TRAPPC9: variants seen among roughly 807,000 people sequenced by gnomAD.
TRAPPC9 encodes IKK2 binding protein.
TRAPPC9 carries 83 observed loss-of-function variants against 124.0 expected under a neutral mutation model. The observed-to-expected ratio is 0.67, with a 90% CI of 0.56 to 0.80. The LOEUF is 0.80. TRAPPC9 is among the 30% of genes least tolerant of loss of function. TRAPPC9 has a pLI of 0.00. For missense variants in TRAPPC9, 1,302 were observed against 1,508.3 expected (o/e 0.86, Z 2.27); for synonymous variants, 638 against 617.5 (o/e 1.03, Z -0.49).
Position 139,926,889 on chromosome 8 carries a change from G to GA in TRAPPC9, c.2811-16590dup, listed in dbSNP as rs201185614. Among the ~76,000 whole-genome samples, 432 of 150,154 alleles carry GA rather than the reference G, an allele frequency of 2.9e-3. 3 individuals carry two copies. Among genetic ancestry groups the GA allele is most frequent in the African/African-American group, 9.0e-3 (367 of 40,886 alleles). On this transcript the variant is annotated intron_variant, in intron 19 of 22. Transcript: ENST00000438773. ...ATATTCAAAAGCAAATCAAGACTGG[G>GA]AAAAAAAAATCACAACACATTGATT... is the stretch of plus-strand genomic sequence containing the variant.
intron 17 of TRAPPC9, chr8:140,096,487 G>T (rs1844956950): frequency 6.6e-6 from 1 of 152,226 alleles, no homozygotes; most frequent in South Asian, 2.1e-4. Context: ...TGTGAATGGT[G>T]ACCTGAATCC....
intron 20 of TRAPPC9, among the ~76,000 whole-genome samples, chr8:139,897,836 G>A (rs1830759932): frequency 6.6e-6 from 1 of 152,348 alleles, no homozygotes; most frequent in East Asian, 1.9e-4. Flanking sequence ...CAGAGTGACG[G>A]GGTCAGGAGC....
chr8:139,971,547 C>A (rs1356001520), intron 19 of TRAPPC9, among the ~76,000 whole-genome samples: 1 of 152,120 alleles, frequency 6.6e-6, no homozygotes, highest in Non-Finnish European at 1.5e-5. Flanking sequence ...CCTGCCCCTG[C>A]CTTCATACCT....
rs565126296 is a variant in TRAPPC9 at position 140,241,857 on chromosome 8, C to T, written c.2431+10920G>A. Among the ~76,000 whole-genome samples the T allele has an allele frequency of 3.4e-4, 52 of 152,274 alleles. No homozygotes were observed. Among genetic ancestry groups the T allele is most frequent in the African/African-American group, 6.3e-4 (26 of 41,550 alleles). On this transcript the variant is annotated intron_variant, in intron 16 of 22. Coordinates refer to ENST00000438773, the MANE Select transcript of TRAPPC9 (RefSeq NM_001160372.4). The surrounding 1 kb of genome is among the most constrained non-coding windows in gnomAD (Gnocchi z 5.0). ...TGCCTTCCGTCCCTCACTTGCTTAA[C>T]GTATGCCAAGAAGCTGCTCTGACCA...
At chr8:140,297,344 G>GCATACACACA (rs1399745601) in intron 11 of TRAPPC9, among the ~76,000 whole-genome samples, 1 of 86,586 alleles carries the variant, frequency 1.2e-5, no homozygotes, top group Non-Finnish European at 2.6e-5. Flanking sequence ...ACACACACAT[G>GCATACACACA]CATAGACACA....
chr8:139,801,710 C>T (rs1370447007), intron 21 of TRAPPC9, among the ~76,000 whole-genome samples: 1 of 152,226 alleles, frequency 6.6e-6, no homozygotes, highest in Admixed American at 6.5e-5. Context: ...CAGACGGGAC[C>T]TGCCAGGAAT....
At chr8:140,248,348 G>C (rs1196231148) in intron 16 of TRAPPC9, among the ~76,000 whole-genome samples, 5 of 152,334 alleles carry the variant, frequency 3.3e-5, no homozygotes, top group Middle Eastern at 3.4e-3. Context: ...GCACTCATCT[G>C]CTACTGGAAC....
intron 21 of TRAPPC9, among the ~76,000 whole-genome samples, chr8:139,859,135 C>G (rs975991479): frequency 1.3e-5 from 2 of 151,894 alleles, no homozygotes; most frequent in Non-Finnish European, 2.9e-5. Context: ...CTCCAGCCCC[C>G]CGGTTTCTGG....
At chr8:140,438,557 G>T (rs1383206943) in intron 3 of TRAPPC9, among the ~76,000 whole-genome samples, 2 of 152,192 alleles carry the variant, frequency 1.3e-5, no homozygotes, top group Non-Finnish European at 2.9e-5. Flanking sequence ...GGCAGGGTGG[G>T]AGGAGGGCAG....
At chr8:140,061,937 G>A (rs1041530344) in intron 17 of TRAPPC9, among the ~76,000 whole-genome samples, 24 of 152,080 alleles carry the variant, frequency 1.6e-4, no homozygotes, top group African/African-American at 5.6e-4. Context: ...ATACAAACAG[G>A]GCCACCTCCC....
intron 20 of TRAPPC9, among the ~76,000 whole-genome samples, chr8:139,888,461 T>C (rs934806573): frequency 2.0e-5 from 3 of 152,122 alleles, no homozygotes; most frequent in African/African-American, 7.2e-5. Flanking sequence ...TGGGTAGCAT[T>C]AAGTAAGTGT....
chr8:140,432,678 C>A (rs1195861793), intron 4 of TRAPPC9, among the ~76,000 whole-genome samples: 1 of 152,056 alleles, frequency 6.6e-6, no homozygotes, highest in East Asian at 1.9e-4. Flanking sequence ...CGATACCATC[C>A]TGGCTAACAC....
intron 17 of TRAPPC9, among the ~76,000 whole-genome samples, chr8:140,042,842 A>T (rs1316575549): frequency 6.6e-6 from 1 of 152,108 alleles, no homozygotes; most frequent in Admixed American, 6.5e-5. Context: ...AAACCTCCTT[A>T]TTTACACAGA....
In TRAPPC9 at chr8:140,135,534, C is replaced by T. The variant is rs145726759; in HGVS notation, c.2556+85925G>A. On this transcript the variant is annotated intron_variant, in intron 17 of 22. Coordinates refer to ENST00000438773, the MANE Select transcript of TRAPPC9 (RefSeq NM_001160372.4). ...TATACCAGGTGAAATAAGCCAGGCA[C>T]AAAAGGACAAATACTGTATAATTCC... Among the ~76,000 whole-genome samples the T allele has an allele frequency of 8.8e-3, 1,339 of 152,176 alleles. 17 individuals are homozygous for T. The highest frequency in any genetic ancestry group is 0.048 in the Middle Eastern group (14 of 294).
intron 16 of TRAPPC9, among the ~76,000 whole-genome samples, chr8:140,251,691 T>G (rs1052440375): frequency 6.6e-6 from 1 of 152,030 alleles, no homozygotes; most frequent in African/African-American, 2.4e-5. Context: ...GGGAGGTAAT[T>G]AGGGTTAGAT....
intron 17 of TRAPPC9, among the ~76,000 whole-genome samples, chr8:140,032,003 G>A (rs936348653): frequency 6.6e-6 from 1 of 152,200 alleles, no homozygotes; most frequent in African/African-American, 2.4e-5. Flanking sequence ...CTAACTCCCT[G>A]GGCGATGAGC....
Position 139,847,030 on chromosome 8 carries a change from G to A in TRAPPC9, c.3055+38849C>T, listed in dbSNP as rs559296790. Among the ~76,000 whole-genome samples the A allele has an allele frequency of 3.9e-5, 6 of 152,314 alleles. No individual in the cohort carries two copies. The East Asian group carries it at 7.7e-4, about 20-fold the overall frequency. On this transcript the variant is annotated intron_variant, in intron 21 of 22. Coordinates refer to ENST00000438773, the MANE Select transcript of TRAPPC9 (RefSeq NM_001160372.4). ...ACTTATTAAGAGATGACTGTGTGCC[G>A]AGATCTGGGCTTGCAGCCATCCCTG...
chr8:139,840,658 G>A (rs986666912), intron 21 of TRAPPC9, among the ~76,000 whole-genome samples: 2 of 152,182 alleles, frequency 1.3e-5, no homozygotes, highest in Non-Finnish European at 2.9e-5. Flanking sequence ...GGAGGGTGGC[G>A]GTTTCCACGC....
intron 21 of TRAPPC9, among the ~76,000 whole-genome samples, chr8:139,786,244 CAA>C (rs1471197116): frequency 6.6e-6 from 1 of 152,046 alleles, no homozygotes; most frequent in Non-Finnish European, 1.5e-5. Context: ...AAATAATAGG[CAA>C]AAGAGTTGAT....
Sources: gnomAD v4.1 joint callset for allele counts (sites outside exome capture counted in the v4.1 genomes callset) on GRCh38, gnomAD v4.1.1 for gene constraint, Gnocchi (gnomAD v3.1) non-coding constraint, MANE v1.5 for transcripts, NCBI Gene and HGNC (gene_info 2026-07-23, HGNC 2026-07-21) for gene names.